DNAH2: variants seen among roughly 807,000 people sequenced by gnomAD.
DNAH2 encodes the protein dynein axonemal heavy chain 2, also known as axonemal beta dynein heavy chain 2.
In DNAH2, 323 loss-of-function variants were observed where a neutral mutation model predicts 523.5. That is an observed-to-expected ratio of 0.62 (90% CI 0.56 to 0.68). The LOEUF (loss-of-function observed/expected upper bound fraction) is 0.68. Among genes scored for constraint, DNAH2 ranks in the 30% least tolerant of loss-of-function variants. The pLI is 0.00. For missense variants in DNAH2, 4,907 were observed against 5,701.5 expected (o/e 0.86, Z 4.49); for synonymous variants, 2,093 against 2,177.4 (o/e 0.96, Z 1.08).
In DNAH2 at chr17:7,817,776, T is replaced by C; in HGVS notation, c.10170-14T>C. ...GAGAGAGGGCCTCACCTCTGACCTG[T>C]ACTCCCCTTCCAGGTGGGCACTGAT... On this transcript the variant is annotated splice_polypyrimidine_tract_variant and intron_variant, in intron 66 of 85. Transcript: ENST00000572933. 6.2e-7 allele frequency: 1 copy of C among 1,614,030 alleles called. No homozygotes were observed. The highest frequency in any genetic ancestry group is 8.5e-7 in the Non-Finnish European group (1 of 1,179,998).
Position 7,823,573 on chromosome 17 carries a change from T to A in DNAH2, c.11274T>A (p.Pro3758=), listed in dbSNP as rs191260427. The part of the protein sequence containing the change: ...HGLMNSFEQY[P]RDWHLWYTNA... ...TCATGAACTCCTTTGAGCAGTACCC[T>A]CGTGACTGGCACCTGTGGTATACCA... is the stretch of plus-strand genomic sequence containing the variant. The change falls in exon 74 of 86, where the codon CCT becomes CCA. Residue 3758 remains proline, a synonymous_variant. Transcript: ENST00000572933. The A allele has an allele frequency of 1.2e-6, 2 of 1,614,118 alleles. No homozygotes were observed. The highest frequency in any genetic ancestry group is 3.3e-5 in the Admixed American group (2 of 60,022).
In DNAH2 at chr17:7,807,775, A is replaced by G. The variant is rs562273545; in HGVS notation, c.9729+189A>G. Among the ~76,000 whole-genome samples the G allele has an allele frequency of 1.6e-4, 25 of 152,092 alleles. No homozygotes were observed. The highest frequency in any genetic ancestry group is 3.2e-4 in the Non-Finnish European group (22 of 68,032). On this transcript the variant is annotated intron_variant, in intron 63 of 85. Transcript: ENST00000572933. This position sits in a 1 kb window ranked among gnomAD's most constrained non-coding sequence, Gnocchi z 5.6. ...GCCTCTGGCTCAGAAAGCTAAGTCA[A>G]TTGCAGAGGGTTATAAAGGCTCAAA...
rs1235437834 is a variant in DNAH2, at chr17:7,818,684, G to C, written c.10578G>C (p.Glu3526Asp). Residue 3526 changes from glutamate (E) to aspartate (D), a missense_variant, in exon 70 of 86, where the codon GAG becomes GAC. Physicochemically the swap from Glu to Asp is conservative, Grantham distance 45 (BLOSUM62 2). This residue lies in a region of DNAH2 where 1,851 missense variants were observed against 2,139.4 expected (regional missense o/e 0.87). Coordinates refer to ENST00000572933, the MANE Select transcript of DNAH2 (RefSeq NM_020877.5). The stretch of plus-strand genomic sequence containing the variant: ...TGCTGGGCATTGTGGTGCGGAAGGA[G>C]CGGCCTGAGCTGGAGGAGCAGAAGG... ...AQLLGIVVRK[E>D]RPELEEQKDS... 1.2e-6 allele frequency: 2 copies of C among 1,614,108 alleles called. No homozygotes were observed. Among genetic ancestry groups the C allele is most frequent in the South Asian group, 2.2e-5 (2 of 91,088 alleles).
rs564597870 is a variant in DNAH2, at chr17:7,800,839, C to T, written c.8700-739C>T. Reference sequence around the variant, plus strand: ...CCTAGATGGCGCTACTGCACTCCAGCCTGGGCGAGAGTGAAAGACTCCGTC... The same window carrying T: ...CCTAGATGGCGCTACTGCACTCCAGTCTGGGCGAGAGTGAAAGACTCCGTC... On this transcript the variant is annotated intron_variant, in intron 56 of 85. Transcript: ENST00000572933. Among the ~76,000 whole-genome samples the T allele has an allele frequency of 7.4e-5, 11 of 147,736 alleles. No homozygotes were observed. The East Asian group carries it at 2.1e-3, about 28-fold the overall frequency.
At position 7,799,092 on chromosome 17, in the gene DNAH2, C is replaced by T; in HGVS notation, c.8560-11C>T. ...ACGCCAGCCCTCTGACCCTGGGTGG[C>T]TTCTGTCCAGATCCAGTCGCATATC... On this transcript the variant is annotated splice_polypyrimidine_tract_variant and intron_variant, in intron 55 of 85. Transcript: ENST00000572933. 6.2e-7 allele frequency: 1 copy of T among 1,613,884 alleles called. No homozygotes were observed. The highest frequency in any genetic ancestry group is 8.5e-7 in the Non-Finnish European group (1 of 1,179,898).
chr17:7,742,906 C>T (rs2075395523), intron 11 of DNAH2, 22 bp from the exon 12 acceptor site: 5 of 1,437,098 alleles, frequency 3.5e-6, no homozygotes, highest in African/African-American at 1.4e-5. Flanking sequence ...CGACTCCACC[C>T]ACCTGTTCTT....
At chr17:7,774,206 T>C (rs977340287) in intron 28 of DNAH2, among the ~76,000 whole-genome samples, 2 of 152,234 alleles carry the variant, frequency 1.3e-5, no homozygotes, top group African/African-American at 2.4e-5. Flanking sequence ...TTAGGGTCAC[T>C]TGAACACAGG....
chr17:7,831,653 C>G lies in DNAH2; in HGVS notation c.12612-8C>G. 6.2e-7 allele frequency: 1 copy of G among 1,613,914 alleles called. No individual in the cohort carries two copies. Among genetic ancestry groups the G allele is most frequent in the Non-Finnish European group, 8.5e-7 (1 of 1,179,810 alleles). ...CTCATCTCTAACACTCCACCTCATC[C>G]TGCTCAGGTTCTCACTGACAGACCT... On this transcript the variant is annotated splice_region_variant and splice_polypyrimidine_tract_variant and intron_variant, in intron 81 of 85. Coordinates refer to ENST00000572933, the MANE Select transcript of DNAH2 (RefSeq NM_020877.5). This position sits in a 1 kb window ranked among gnomAD's most constrained non-coding sequence, Gnocchi z 4.2.
Position 7,777,140 on chromosome 17 carries a change from A to G in DNAH2, c.5058+251A>G, listed in dbSNP as rs533305551. Among the ~76,000 whole-genome samples, 8 of 151,916 alleles carry G rather than the reference A, an allele frequency of 5.3e-5. No homozygotes were observed. The South Asian group carries it at 8.3e-4, about 16-fold the overall frequency. On this transcript the variant is annotated intron_variant, in intron 32 of 85. Transcript: ENST00000572933. ...CAAGACTCTGTCTCAAAAAAAAAAA[A>G]AAAGAAAGAAAAGAAAAGAAAAGAA...
Position 7,737,076 on chromosome 17 carries a change from C to G in DNAH2, c.988C>G (p.Arg330Gly), listed in dbSNP as rs768714713. ...CTCTCTTTACTGCCAGGATGGCTCT[C>G]GTCAAGCACAGTCAAACCTGACCTT... Reference protein sequence around the residue: ...KLAQQIQDGSRQAQSNLTFLS... With the variant: ...KLAQQIQDGSGQAQSNLTFLS... The change falls in exon 8 of 86, where the codon CGT (arginine) becomes GGT (glycine). Residue 330 changes from arginine to glycine, a missense_variant. Transcript: ENST00000572933. The G allele has an allele frequency of 6.2e-7, 1 of 1,613,580 alleles. No individual in the cohort carries two copies. Among genetic ancestry groups the G allele is most frequent in the Admixed American group, 1.7e-5 (1 of 59,996 alleles).
intron 4 of DNAH2, among the ~76,000 whole-genome samples, chr17:7,729,889 C>G (rs1245682466): frequency 6.6e-6 from 1 of 152,194 alleles, no homozygotes; most frequent in East Asian, 1.9e-4. Flanking sequence ...ATAAACTGGT[C>G]TCTCACAGTG....
intron 8 of DNAH2, chr17:7,739,052 C>T (rs1163134083): frequency 2.9e-6 from 2 of 699,132 alleles, no homozygotes; most frequent in Non-Finnish European, 5.2e-6. Flanking sequence ...ACAGCAGACC[C>T]TCCAGAATCC....
rs1225685279 is a variant in DNAH2, at chr17:7,787,782, C to T, written c.6604-78C>T. On this transcript the variant is annotated intron_variant, in intron 42 of 85. Coordinates refer to ENST00000572933, the MANE Select transcript of DNAH2 (RefSeq NM_020877.5). ...AAATCGTTTGTGAACTTGTAGCATCCGAGTTCCGGGTGTTTTATTATTCCT... is the reference window on the plus strand; with the variant it reads ...AAATCGTTTGTGAACTTGTAGCATCTGAGTTCCGGGTGTTTTATTATTCCT... 4.8e-6 allele frequency: 7 copies of T among 1,458,750 alleles called. No individual in the cohort carries two copies. In the African/African-American group the frequency reaches 5.7e-5, roughly 12 times the overall value. 90.4% of individuals were successfully genotyped at this position (1,458,750 alleles called of 1,614,324 possible).
rs1469593905 is a variant in DNAH2 at position 7,740,322 on chromosome 17, G to A, written c.1377-98G>A. On this transcript the variant is annotated intron_variant, in intron 9 of 85. Coordinates refer to ENST00000572933, the MANE Select transcript of DNAH2 (RefSeq NM_020877.5). ...ACTTGGAGTGCCTGGCACACAGGAA[G>A]CCCTCTGTCCTCAGCAATGCATGGG... is the stretch of plus-strand genomic sequence containing the variant. 3.9e-6 allele frequency: 6 copies of A among 1,536,678 alleles called. No homozygotes were observed. The East Asian group carries it at 6.8e-5, about 17-fold the overall frequency.
Position 7,765,572 on chromosome 17 carries a change from C to T in DNAH2, c.3511+7C>T, listed in dbSNP as rs1242571274. On this transcript the variant is annotated splice_region_variant and intron_variant, in intron 21 of 85. Coordinates refer to ENST00000572933, the MANE Select transcript of DNAH2 (RefSeq NM_020877.5). Reference sequence around the variant, plus strand: ...GAAGATTTCGAATTCAAAGGTACTCCTTGATCCACCTCTCCCGCTTCTTTA... The same window carrying T: ...GAAGATTTCGAATTCAAAGGTACTCTTTGATCCACCTCTCCCGCTTCTTTA... 1 of 1,609,170 alleles carries T rather than the reference C, an allele frequency of 6.2e-7. No homozygotes were observed. Among genetic ancestry groups the T allele is most frequent in the Non-Finnish European group, 8.5e-7 (1 of 1,177,298 alleles).
Position 7,807,195 on chromosome 17 carries a change from A to T in DNAH2, c.9488A>T (p.Asn3163Ile), listed in dbSNP as rs566068141. The part of the protein sequence containing the change: ...IKSLINFDKD[N>I]ISDKVLKKIG... ...TCACTGATCAACTTTGATAAAGACA[A>T]TATCTCAGATAAGGTTCTGAAGAAG... Residue 3163 changes from asparagine to isoleucine, a missense_variant, in exon 62 of 86, where the codon AAT becomes ATT. Physicochemically the swap from Asn to Ile is moderately radical, Grantham distance 149 (BLOSUM62 -3). This residue lies in a region of DNAH2 where 1,851 missense variants were observed against 2,139.4 expected (regional missense o/e 0.87). Coordinates refer to ENST00000572933, the MANE Select transcript of DNAH2 (RefSeq NM_020877.5). This position sits in a 1 kb window ranked among gnomAD's most constrained non-coding sequence, Gnocchi z 5.6. 6.2e-7 allele frequency: 1 copy of T among 1,612,110 alleles called. No individual in the cohort carries two copies. The highest frequency in any genetic ancestry group is 2.2e-5 in the East Asian group (1 of 44,904).
chr17:7,811,615 C>T (rs1317729461), intron 63 of DNAH2, among the ~76,000 whole-genome samples: 2 of 152,146 alleles, frequency 1.3e-5, no homozygotes, highest in Non-Finnish European at 2.9e-5. Context: ...GGGTCAGTTC[C>T]TCATGGATGA....
In DNAH2 at chr17:7,770,609, C is replaced by T. The variant is rs778482922; in HGVS notation, c.4151C>T (p.Pro1384Leu). 3.1e-6 allele frequency: 5 copies of T among 1,614,100 alleles called. No individual in the cohort carries two copies. In the South Asian group the frequency reaches 5.5e-5, roughly 18 times the overall value. ...TWDVTQLDIV[P>L]YKDKGHHRLR... is the part of the protein sequence containing the mutation. ...GATGTGACTCAGCTCGACATAGTAC[C>T]CTACAAGGATAAGGGCCATCATCGG... Residue 1384 changes from proline to leucine, a missense_variant, in exon 26 of 86, where the codon CCC (proline) becomes CTC (leucine). Pro to Leu is a moderately conservative substitution (Grantham distance 98). Coordinates refer to ENST00000572933, the MANE Select transcript of DNAH2 (RefSeq NM_020877.5).
chr17:7,781,183 T>C lies in DNAH2; in HGVS notation c.6129+16T>C. ...CTATGGCAAGGTATTTGTTCCTTAA[T>C]ACTCTCCCTGACCGGGTGCTGTGGC... is the stretch of plus-strand genomic sequence containing the variant. On this transcript the variant is annotated intron_variant, in intron 39 of 85. Transcript: ENST00000572933. 6.2e-7 allele frequency: 1 copy of C among 1,614,092 alleles called. No homozygotes were observed. The highest frequency in any genetic ancestry group is 1.1e-5 in the South Asian group (1 of 91,084).
Sources: gnomAD v4.1 joint callset for allele counts (sites outside exome capture counted in the v4.1 genomes callset) on GRCh38, gnomAD v4.1.1 for gene constraint, gnomAD v4.1.1 regional missense constraint, Gnocchi (gnomAD v3.1) non-coding constraint, MANE v1.5 for transcripts, NCBI Gene and HGNC (gene_info 2026-07-23, HGNC 2026-07-21) for gene names.